The following COL5A2 variants were observed in gnomAD, a reference collection of about 807,000 sequenced individuals.
COL5A2 encodes the protein collagen alpha-2(V) chain.
A neutral mutation model predicts 208.2 loss-of-function variants in COL5A2; 23 were observed. The ratio of observed to expected loss-of-function variants is 0.11; its 90% confidence interval spans 0.08 to 0.16. The LOEUF is 0.16. Among genes scored for constraint, COL5A2 ranks in the 10% least tolerant of loss-of-function variants. The pLI is 1.00. For missense variants in COL5A2, 1,590 were observed against 1,956.4 expected, an observed-to-expected ratio of 0.81 and a Z score of 3.53; for synonymous variants, 625 against 628.5, an observed-to-expected ratio of 0.99 and a Z score of 0.08.
the COL5A2 span, among the ~76,000 whole-genome samples, chr2:189,274,425 T>C: frequency 6.6e-6 from 1 of 152,176 alleles, no homozygotes; most frequent in African/African-American, 2.4e-5. Flanking sequence ...CCACAAGTTC[T>C]GTCTTCTCCT....
intron 1 of COL5A2, among the ~76,000 whole-genome samples, chr2:189,191,112 A>G (rs1688917493): frequency 7.4e-6 from 1 of 135,622 alleles, no homozygotes. Flanking sequence ...TCCAACAAAG[A>G]TTGCCTGAAG....
Position 189,202,616 on chromosome 2 carries a change from T to C in COL5A2, c.-42+22532A>G, listed in dbSNP as rs933368847. ...GCAAAAGAAAGAATGATAATAGTAG[T>C]ACATAAGTGTGGAGGGTAAATTGAC... On this transcript the variant is annotated intron_variant, in intron 1 of 10. Transcript: ENST00000649966. 3.9e-5 allele frequency among the ~76,000 whole-genome samples: 6 copies of C among 152,148 alleles called. No individual in the cohort carries two copies. The East Asian group carries it at 7.7e-4, about 20-fold the overall frequency.
chr2:189,070,669 C>T (rs143515237), intron 18 of COL5A2, among the ~76,000 whole-genome samples: 1 of 152,226 alleles, frequency 6.6e-6, no homozygotes, highest in East Asian at 1.9e-4. Flanking sequence ...AAACCTCTTT[C>T]TGCTAATTCA....
the COL5A2 span, among the ~76,000 whole-genome samples, chr2:189,243,200 A>G: frequency 6.6e-6 from 1 of 152,090 alleles, no homozygotes; most frequent in Non-Finnish European, 1.5e-5. Flanking sequence ...AGGAAGAAAA[A>G]GAATGAAGGA....
chr2:189,312,072 T>C, the COL5A2 span: 40 of 766,586 alleles, frequency 5.2e-5, no homozygotes, highest in Admixed American at 1.2e-4. Context: ...AAGATGGGCA[T>C]TGTCGATCTG....
intron 1 of COL5A2, among the ~76,000 whole-genome samples, chr2:189,124,398 T>C (rs1025781978): frequency 3.3e-5 from 5 of 152,182 alleles, no homozygotes; most frequent in Admixed American, 3.3e-4. Flanking sequence ...GTAGGGATAG[T>C]AAATGATTGC....
chr2:189,055,827 T>C (rs541101231), intron 35 of COL5A2, among the ~76,000 whole-genome samples: 3 of 152,328 alleles, frequency 2.0e-5, no homozygotes, highest in East Asian at 3.9e-4. Context: ...GCACAATTGA[T>C]ATGTATTTTA....
chr2:189,394,016 A>G, the COL5A2 span, among the ~76,000 whole-genome samples: 1 of 152,088 alleles, frequency 6.6e-6, no homozygotes, highest in African/African-American at 2.4e-5. Context: ...AACTTTATTC[A>G]TCAGAAGCTA....
the COL5A2 span, among the ~76,000 whole-genome samples, chr2:189,312,797 G>T: frequency 6.6e-6 from 1 of 151,774 alleles, no homozygotes; most frequent in South Asian, 2.1e-4. Context: ...TGGAAAATCT[G>T]AGTTGATTAG....
the COL5A2 span, among the ~76,000 whole-genome samples, chr2:189,435,670 G>A: frequency 4.5e-4 from 68 of 152,288 alleles, no homozygotes; most frequent in Admixed American, 1.2e-3. Context: ...TAAAAAGTCA[G>A]GAAACAACAG....
chr2:189,403,574 C>T, the COL5A2 span, among the ~76,000 whole-genome samples: 2 of 152,064 alleles, frequency 1.3e-5, no homozygotes, highest in East Asian at 1.9e-4. Context: ...TGGCTCTTGT[C>T]GTTTTGAGGT....
intron 1 of COL5A2, among the ~76,000 whole-genome samples, chr2:189,213,548 G>C (rs1055670495): frequency 6.6e-6 from 1 of 152,116 alleles, no homozygotes; most frequent in Admixed American, 6.6e-5. Context: ...AAATATAGAG[G>C]GAAGAGGAAC....
At chr2:189,181,319 T>G (rs1349718049), upstream of COL5A2, among the ~76,000 whole-genome samples, 1 of 152,174 alleles carries the variant, frequency 6.6e-6, no homozygotes, top group Non-Finnish European at 1.5e-5. Flanking sequence ...CATTTAGACA[T>G]GTCCCATTTC....
the COL5A2 span, among the ~76,000 whole-genome samples, chr2:189,240,517 A>G: frequency 6.6e-6 from 1 of 152,168 alleles, no homozygotes; most frequent in Non-Finnish European, 1.5e-5. Context: ...ACAAACATTT[A>G]CTCTGTAGCA....
the COL5A2 span, among the ~76,000 whole-genome samples, chr2:189,313,515 A>G: frequency 6.6e-6 from 1 of 152,300 alleles, no homozygotes; most frequent in Non-Finnish European, 1.5e-5. Flanking sequence ...CCAGTGACAC[A>G]ATAAAGCAAC....
chr2:189,039,908 C>T (rs1685522785), intron 50 of COL5A2, among the ~76,000 whole-genome samples: 1 of 152,152 alleles, frequency 6.6e-6, no homozygotes, highest in East Asian at 1.9e-4. Flanking sequence ...AAACTATTTT[C>T]GTCAAGGTAC....
chr2:189,312,399 G>T, the COL5A2 span, among the ~76,000 whole-genome samples: 1 of 152,124 alleles, frequency 6.6e-6, no homozygotes, highest in Non-Finnish European at 1.5e-5. Flanking sequence ...GCGGGACATG[G>T]AGATCCAGGA....
At chr2:189,063,878 A>C in intron 26 of COL5A2, 102 bp downstream of exon 26, 3 of 899,702 alleles carry the variant, frequency 3.3e-6, no homozygotes, top group Non-Finnish European at 5.4e-6. Context: ...CAATATGACC[A>C]GCATCCATAT....
chr2:189,140,056 CAG>C (rs1229456492), intron 1 of COL5A2, among the ~76,000 whole-genome samples: 2 of 151,516 alleles, frequency 1.3e-5, no homozygotes, highest in Non-Finnish European at 2.9e-5. Context: ...CTGGGCGACA[CAG>C]AGAGACTCTA....
Sources: allele counts gnomAD v4.1 joint callset (sites outside exome capture counted in the v4.1 genomes callset), GRCh38; gene constraint gnomAD v4.1.1; transcripts MANE v1.5; gene names NCBI Gene and HGNC (gene_info 2026-07-23, HGNC 2026-07-21).